METTL25: variants seen among roughly 807,000 people sequenced by gnomAD.
METTL25 encodes the protein methyltransferase like 25, also known as probable methyltransferase-like protein 25.
A neutral mutation model predicts 71.6 loss-of-function variants in METTL25; 64 were observed. The observed-to-expected ratio is 0.89, with a 90% CI of 0.73 to 1.10. The LOEUF is 1.10. METTL25 is among the 50% of genes least tolerant of loss of function. METTL25 has a pLI of 0.00. For synonymous variants in METTL25, 287 were observed against 250.3 expected, an observed-to-expected ratio of 1.15 and a Z score of -1.38; for missense variants, 807 against 707.0, an observed-to-expected ratio of 1.14 and a Z score of -1.60.
chr12:82,359,675 T>C (rs1477775673), intron 1 of METTL25, among the ~76,000 whole-genome samples: 1 of 151,508 alleles, frequency 6.6e-6, no homozygotes, highest in Non-Finnish European at 1.5e-5. Context: ...GTACCTAATA[T>C]GTGTCTTGAA....
intron 9 of METTL25, among the ~76,000 whole-genome samples, chr12:82,463,695 T>G (rs1188469968): frequency 6.6e-6 from 1 of 151,980 alleles, no homozygotes; most frequent in East Asian, 1.9e-4. Flanking sequence ...GTTTACATTC[T>G]CACCAACAGT....
At chr12:82,476,597 A>G (rs943432486) in intron 9 of METTL25, 47 bp from the exon 10 acceptor site, 2 of 1,265,608 alleles carry the variant, frequency 1.6e-6, no homozygotes, top group Non-Finnish European at 2.3e-6. Context: ...ACAAGGAAAA[A>G]TATTTTTAAA....
chr12:82,467,584 T>G (rs1427790419), intron 9 of METTL25, among the ~76,000 whole-genome samples: 1 of 152,178 alleles, frequency 6.6e-6, no homozygotes, highest in Non-Finnish European at 1.5e-5. Flanking sequence ...TTGTTTTATA[T>G]TTCAATGTTT....
chr12:82,389,371 G>T lies in METTL25; in HGVS notation c.425-445G>T, dbSNP rs114457644. Among the ~76,000 whole-genome samples the T allele has an allele frequency of 9.9e-3, 1,506 of 152,196 alleles. 24 individuals carry two copies. Among genetic ancestry groups the T allele is most frequent in the African/African-American group, 0.034 (1,419 of 41,540 alleles). The stretch of plus-strand genomic sequence containing the variant: ...TACTATATTAGACAGCACAGGTAAT[G>T]AAATGACTGTTTAAGTTTTTTTCCC... On this transcript the variant is annotated intron_variant, in intron 2 of 11. Transcript: ENST00000248306.
chr12:82,389,818 G>GA lies in METTL25; in HGVS notation c.431dup (p.Asn144LysfsTer6). On this transcript the variant is annotated frameshift_variant, in exon 3 of 12. Coordinates refer to ENST00000248306, the MANE Select transcript of METTL25 (RefSeq NM_032230.3). LOFTEE classifies it high-confidence loss of function. ...GTTTTTACTTTTATTTTCATTAGGTGAAAATCAGAAGGCAGTTGAGTTTAT... is the reference window on the plus strand; with the variant it reads ...GTTTTTACTTTTATTTTCATTAGGTGAAAAATCAGAAGGCAGTTGAGTTTAT... 1 of 1,587,146 alleles carries GA rather than the reference G, an allele frequency of 6.3e-7. No individual in the cohort carries two copies.
rs1429685537 is a variant in METTL25 at position 82,399,283 on chromosome 12, TAAAG to T, written c.1022_1025del (p.Lys341ArgfsTer5). On this transcript the variant is annotated frameshift_variant, in exon 4 of 12. Transcript: ENST00000248306. LOFTEE classifies it high-confidence loss of function. ...CCAACAGAGAAACATCTGAAGCCAA[TAAAG>T]AGAGAAGAAAAATGACATCAAAGTC... 7 of 1,613,678 alleles carry T rather than the reference TAAAG, an allele frequency of 4.3e-6. No homozygotes were observed. Among genetic ancestry groups the T allele is most frequent in the East Asian group, 2.2e-5 (1 of 44,768 alleles).
chr12:82,396,560 C>T (rs1263930311), intron 3 of METTL25, among the ~76,000 whole-genome samples: 1 of 151,968 alleles, frequency 6.6e-6, no homozygotes, highest in Non-Finnish European at 1.5e-5. Context: ...TTCCATAGTT[C>T]TCCATTTATT....
At chr12:82,390,312 G>A (rs946828714) in intron 3 of METTL25, among the ~76,000 whole-genome samples, 1 of 152,012 alleles carries the variant, frequency 6.6e-6, no homozygotes, top group African/African-American at 2.4e-5. Context: ...TGTGGTCTGG[G>A]ATACCTGCAT....
At chr12:82,448,422 A>G (rs946294205) in intron 8 of METTL25, among the ~76,000 whole-genome samples, 5 of 152,144 alleles carry the variant, frequency 3.3e-5, no homozygotes, top group African/African-American at 9.6e-5. Context: ...GTACTTATCT[A>G]TAATAGAAAC....
Position 82,438,726 on chromosome 12 carries a change from T to C in METTL25, c.1413T>C (p.Thr471=). The change falls in exon 8 of 12, where the codon ACT becomes ACC. Residue 471 remains threonine (T), a synonymous_variant. Coordinates refer to ENST00000248306, the MANE Select transcript of METTL25 (RefSeq NM_032230.3). ...ERVAAGQGLP[T]ESLFYRAVLQ... is the part of the protein sequence containing the mutation. ...GTCTACATTTTTTTCAGCTGCCTAC[T>C]GAATCACTCTTCTATCGTGCTGTTC... 1 of 1,490,382 alleles carries C rather than the reference T, an allele frequency of 6.7e-7. No individual in the cohort carries two copies. Among genetic ancestry groups the C allele is most frequent in the Non-Finnish European group, 9.0e-7 (1 of 1,114,294 alleles). The allele number at this position is 1,490,382 out of a possible 1,614,324, so 92.3% of individuals were successfully genotyped here.
intron 4 of METTL25, among the ~76,000 whole-genome samples, chr12:82,401,728 A>G (rs900841937): frequency 6.6e-6 from 1 of 152,060 alleles, no homozygotes; most frequent in African/African-American, 2.4e-5. Context: ...TTAGTTGATG[A>G]GTAATACTTT....
At chr12:82,359,454 G>A (rs1881504496) in intron 1 of METTL25, among the ~76,000 whole-genome samples, 1 of 152,172 alleles carries the variant, frequency 6.6e-6, no homozygotes, top group Admixed American at 6.5e-5. Flanking sequence ...TGGATTTTAA[G>A]TGTGACGGAA....
In METTL25 at chr12:82,393,813, G is replaced by GT. The variant is rs373922113; in HGVS notation, c.531+3898dup. Among the ~76,000 whole-genome samples the GT allele has an allele frequency of 7.3e-5, 11 of 151,306 alleles. No homozygotes were observed. The South Asian group carries it at 1.9e-3, about 26-fold the overall frequency. ...TTTGGTTGGCTCTTGCTTTTCTAGT[G>GT]TTTTTTTAAAGGTGTATTGTTAGGT... On this transcript the variant is annotated intron_variant, in intron 3 of 11. Coordinates refer to ENST00000248306, the MANE Select transcript of METTL25 (RefSeq NM_032230.3).
chr12:82,389,220 G>C (rs983245082), intron 2 of METTL25, among the ~76,000 whole-genome samples: 4 of 152,098 alleles, frequency 2.6e-5, no homozygotes, highest in African/African-American at 7.2e-5. Flanking sequence ...GTGCTGCTCA[G>C]TACAGTAGAA....
chr12:82,381,971 G>A (rs1282775049), intron 1 of METTL25, among the ~76,000 whole-genome samples: 1 of 152,272 alleles, frequency 6.6e-6, no homozygotes, highest in East Asian at 1.9e-4. Context: ...TTCAAATGAA[G>A]GACATTTTTA....
chr12:82,376,504 T>G (rs1883869853), intron 1 of METTL25, among the ~76,000 whole-genome samples: 1 of 152,248 alleles, frequency 6.6e-6, no homozygotes, highest in African/African-American at 2.4e-5. Context: ...TATTTTTAAT[T>G]TAAATCATAA....
rs149370714 is a variant in METTL25, at chr12:82,393,650, T to C, written c.531+3728T>C. Among the ~76,000 whole-genome samples, 1,506 of 152,154 alleles carry C rather than the reference T, an allele frequency of 9.9e-3. 24 individuals are homozygous for C. Among genetic ancestry groups the C allele is most frequent in the African/African-American group, 0.034 (1,420 of 41,540 alleles). On this transcript the variant is annotated intron_variant, in intron 3 of 11. Transcript: ENST00000248306. The stretch of plus-strand genomic sequence containing the variant: ...TGATTGCTCTGGCTAGGACCTCCAA[T>C]ACTATGTTGAATAAAAATGGTGAAA...
rs140839863 is a variant in METTL25 at position 82,422,967 on chromosome 12, C to A, written c.1280-7926C>A. The stretch of plus-strand genomic sequence containing the variant: ...AATCAATATTGTGAAAATGGCCATA[C>A]TGCCCAAGGTAATTTAGAGATTCAT... On this transcript the variant is annotated intron_variant, in intron 5 of 11. Transcript: ENST00000248306. 2.5e-3 allele frequency among the ~76,000 whole-genome samples: 388 copies of A among 152,300 alleles called. 2 individuals carry two copies. The highest frequency in any genetic ancestry group is 8.8e-3 in the African/African-American group (366 of 41,568).
chr12:82,415,907 C>T (rs764984360), intron 5 of METTL25, among the ~76,000 whole-genome samples: 8 of 152,106 alleles, frequency 5.3e-5, no homozygotes, highest in African/African-American at 1.2e-4. Context: ...TCACACTTGG[C>T]GTGGCCCAGT....
Sources: gnomAD v4.1 joint callset for allele counts (sites outside exome capture counted in the v4.1 genomes callset) on GRCh38, gnomAD v4.1.1 for gene constraint, MANE v1.5 for transcripts, NCBI Gene and HGNC (gene_info 2026-07-23, HGNC 2026-07-21) for gene names.